The following DIAPH2 variants were observed in gnomAD, a reference collection of about 807,000 sequenced individuals.
DIAPH2 encodes the protein diaphanous related formin 2.
A neutral mutation model predicts 92.7 loss-of-function variants in DIAPH2; 35 were observed. That is an observed-to-expected ratio of 0.38 (90% CI 0.29 to 0.50). The LOEUF (loss-of-function observed/expected upper bound fraction) is 0.50, where lower values mean the gene tolerates loss of function less well. Among genes scored for constraint, DIAPH2 ranks in the 20% least tolerant of loss-of-function variants. The pLI is 0.94. For synonymous variants in DIAPH2, 301 were observed against 280.4 expected, an observed-to-expected ratio of 1.07 and a Z score of -0.73; for missense variants, 701 against 819.5, an observed-to-expected ratio of 0.86 and a Z score of 1.77.
chrX:96,962,324 C>T (rs190456195), intron 16 of DIAPH2, among the ~76,000 whole-genome samples: 361 of 33,241 alleles, frequency 0.011, 16 homozygotes, highest in African/African-American at 0.032. Flanking sequence ...TATATATATA[C>T]ACATATATAT....
chrX:96,948,311 C>T (rs1358138571), intron 14 of DIAPH2, among the ~76,000 whole-genome samples: 7 of 112,278 alleles, frequency 6.2e-5, no homozygotes, highest in Admixed American at 1.9e-4. Context: ...TGGTGGCTCA[C>T]GCCTGTAATC....
At chrX:97,537,035 T>C (rs1207305298) in intron 26 of DIAPH2, among the ~76,000 whole-genome samples, 1 of 111,527 alleles carries the variant, frequency 9.0e-6, no homozygotes, top group African/African-American at 3.3e-5. Flanking sequence ...GAGGTAAAAC[T>C]GAATTATATG....
intron 26 of DIAPH2, among the ~76,000 whole-genome samples, chrX:97,479,925 A>G (rs1402313707): frequency 9.0e-6 from 1 of 111,604 alleles, no homozygotes; most frequent in Non-Finnish European, 1.9e-5. Flanking sequence ...TGTTATATGA[A>G]CTTGCTTATT....
chrX:97,155,789 A>C (rs759842296), intron 22 of DIAPH2, among the ~76,000 whole-genome samples: 1 of 111,735 alleles, frequency 8.9e-6, no homozygotes, highest in African/African-American at 3.3e-5. Context: ...GTCTCTTTAA[A>C]ACACACTCAA....
chrX:97,477,939 C>T (rs1279647337), intron 26 of DIAPH2, among the ~76,000 whole-genome samples: 1 of 111,133 alleles, frequency 9.0e-6, no homozygotes, highest in Non-Finnish European at 1.9e-5. Flanking sequence ...TGTCCAATTA[C>T]AGGTCTTCAT....
intron 1 of DIAPH2, among the ~76,000 whole-genome samples, chrX:96,720,225 T>C (rs1255537361): frequency 8.9e-6 from 1 of 111,991 alleles, no homozygotes; most frequent in African/African-American, 3.2e-5. Context: ...TCTCTGGTCA[T>C]GTGATGTATC....
chrX:97,162,517 C>G (rs2067381811), intron 22 of DIAPH2, among the ~76,000 whole-genome samples: 1 of 111,294 alleles, frequency 9.0e-6, no homozygotes, highest in Non-Finnish European at 1.9e-5. Flanking sequence ...CTCCCCCTCT[C>G]TTCTTCTCAC....
chrX:97,006,673 A>G (rs2066184845), intron 17 of DIAPH2, among the ~76,000 whole-genome samples: 1 of 112,179 alleles, frequency 8.9e-6, no homozygotes, highest in African/African-American at 3.2e-5. Flanking sequence ...GAAAGCAACA[A>G]TGCATTTTAA....
At chrX:97,491,824 T>C (rs2070727672) in intron 26 of DIAPH2, among the ~76,000 whole-genome samples, 1 of 112,289 alleles carries the variant, frequency 8.9e-6, no homozygotes, top group Non-Finnish European at 1.9e-5. Flanking sequence ...GATTTGTTGA[T>C]TTTTTGTAGT....
intron 22 of DIAPH2, among the ~76,000 whole-genome samples, chrX:97,186,961 C>T (rs1024317045): frequency 1.2e-4 from 13 of 111,788 alleles, no homozygotes; most frequent in Non-Finnish European, 2.4e-4. Context: ...TGTCCTTTTG[C>T]CTGTTTACGT....
At chrX:97,422,182 C>T (rs938793817) in intron 25 of DIAPH2, among the ~76,000 whole-genome samples, 1 of 110,601 alleles carries the variant, frequency 9.0e-6, no homozygotes, top group African/African-American at 3.3e-5. Context: ...AGTATCTTTC[C>T]ATTTCAACAT....
chrX:97,300,163 A>G (rs2068681568), intron 23 of DIAPH2, among the ~76,000 whole-genome samples: 1 of 112,290 alleles, frequency 8.9e-6, no homozygotes, highest in Admixed American at 9.5e-5. Flanking sequence ...ATATTTTGCT[A>G]TTCTTAGGAA....
intron 23 of DIAPH2, among the ~76,000 whole-genome samples, chrX:97,286,683 C>T (rs1032793162): frequency 9.0e-6 from 1 of 111,172 alleles, no homozygotes; most frequent in African/African-American, 3.3e-5. Context: ...CTCACTCCCA[C>T]GTGGCTCACT....
chrX:96,847,070 C>A (rs934578891), intron 4 of DIAPH2, among the ~76,000 whole-genome samples: 1 of 111,659 alleles, frequency 9.0e-6, no homozygotes, highest in Non-Finnish European at 1.9e-5. Flanking sequence ...ATCCCCACCC[C>A]ATGGCCTTCA....
chrX:97,156,928 A>G (rs767082980), intron 22 of DIAPH2, among the ~76,000 whole-genome samples: 2 of 112,011 alleles, frequency 1.8e-5, no homozygotes, highest in African/African-American at 3.2e-5. Context: ...AGAAAGTGTC[A>G]GAGGTATTTG....
intron 17 of DIAPH2, among the ~76,000 whole-genome samples, chrX:97,004,678 G>A (rs186928065): frequency 4.0e-4 from 45 of 112,022 alleles, no homozygotes; most frequent in African/African-American, 1.4e-3. Context: ...TACTGAACTT[G>A]TCAGCTCTTA....
chrX:97,561,340 C>G (rs1467130263), intron 26 of DIAPH2, among the ~76,000 whole-genome samples: 1 of 112,432 alleles, frequency 8.9e-6, no homozygotes. Context: ...TTATCATCCA[C>G]TGTGATGCAT....
chrX:97,025,264 C>G (rs1045367654), intron 17 of DIAPH2, among the ~76,000 whole-genome samples: 3 of 110,492 alleles, frequency 2.7e-5, no homozygotes, highest in South Asian at 3.9e-4. Context: ...ACAGGAGAAT[C>G]GTTTGAACTC....
At chrX:96,726,718 T>C (rs2064022019) in intron 1 of DIAPH2, among the ~76,000 whole-genome samples, 1 of 112,300 alleles carries the variant, frequency 8.9e-6, no homozygotes, top group Admixed American at 9.4e-5. Context: ...CTGGACTGTG[T>C]AATTTATTAT....
Sources: allele counts gnomAD v4.1 joint callset (sites outside exome capture counted in the v4.1 genomes callset), GRCh38; gene constraint gnomAD v4.1.1; transcripts MANE v1.5; gene names NCBI Gene and HGNC (gene_info 2026-07-23, HGNC 2026-07-21).